The following CSNK1G3 variants were observed in gnomAD, a reference collection of about 807,000 sequenced individuals.
CSNK1G3 encodes the protein casein kinase I isoform gamma-3.
A neutral mutation model predicts 64.3 loss-of-function variants in CSNK1G3; 23 were observed. The ratio of observed to expected loss-of-function variants is 0.36; its 90% confidence interval spans 0.26 to 0.51. CSNK1G3 has a LOEUF of 0.51. CSNK1G3 is among the 20% of genes least tolerant of loss of function. CSNK1G3 has a pLI of 0.96. For synonymous variants in CSNK1G3, 158 were observed against 162.2 expected (o/e 0.97, Z 0.20); for missense variants, 357 against 510.5 (o/e 0.70, Z 2.90).
intron 4 of CSNK1G3, among the ~76,000 whole-genome samples, chr5:123,559,758 T>C (rs1412714571): frequency 6.6e-6 from 1 of 151,768 alleles, no homozygotes; most frequent in African/African-American, 2.4e-5. Context: ...TTAAGTACCT[T>C]TGTGAGCTTT....
chr5:123,571,682 A>AAAT (rs889006362), intron 4 of CSNK1G3, among the ~76,000 whole-genome samples: 2 of 152,200 alleles, frequency 1.3e-5, no homozygotes, highest in Admixed American at 1.3e-4. Flanking sequence ...ATAATAGGGT[A>AAAT]AATAATAATA....
exon 1 of CSNK1G3, chr5:123,512,238 T>A (rs958626972): frequency 6.6e-6 from 1 of 152,150 alleles, no homozygotes; most frequent in Non-Finnish European, 1.5e-5. Context: ...ATGTTTGACC[T>A]CCGGATAAGC....
chr5:123,514,748 C>A lies in CSNK1G3; in HGVS notation c.-248+2178C>A, dbSNP rs1038598056. 2.0e-5 allele frequency among the ~76,000 whole-genome samples: 3 copies of A among 151,776 alleles called. No individual in the cohort carries two copies. The South Asian group carries it at 6.2e-4, about 32-fold the overall frequency. On this transcript the variant is annotated intron_variant, in intron 1 of 12. Transcript: ENST00000345990. Reference sequence around the variant, plus strand: ...GGGGTAGTTTTCTCGGTGAAGGGAACAGCCTGAGGAAAGGCATGTGATTGT... The same window carrying A: ...GGGGTAGTTTTCTCGGTGAAGGGAAAAGCCTGAGGAAAGGCATGTGATTGT...
At chr5:123,540,321 G>T (rs1781483481) in intron 1 of CSNK1G3, among the ~76,000 whole-genome samples, 1 of 150,924 alleles carries the variant, frequency 6.6e-6, no homozygotes, top group Admixed American at 6.6e-5. Flanking sequence ...TACATTTTTT[G>T]CTCATTAAGA....
chr5:123,591,320 C>A (rs777102070), exon 10 of CSNK1G3: 1 of 1,591,098 alleles, frequency 6.3e-7, no homozygotes, highest in South Asian at 1.1e-5. Flanking sequence ...GTATTGTAGC[C>A]TACTCCAGTG....
intron 1 of CSNK1G3, among the ~76,000 whole-genome samples, chr5:123,528,361 T>TG (rs2150062716): frequency 1.3e-5 from 2 of 152,300 alleles, no homozygotes; most frequent in East Asian, 3.9e-4. Flanking sequence ...TAAATTAACA[T>TG]TCTTAAATTT....
chr5:123,614,621 G>C, exon 13 of CSNK1G3: 1 of 424,834 alleles, frequency 2.4e-6, no homozygotes. Context: ...CAAAACATGA[G>C]TGCTTTGCCC....
At chr5:123,605,754 C>G (rs1177387239) in intron 12 of CSNK1G3, among the ~76,000 whole-genome samples, 1 of 151,914 alleles carries the variant, frequency 6.6e-6, no homozygotes, top group Non-Finnish European at 1.5e-5. Flanking sequence ...GATCTCATCC[C>G]CCACAGTAGT....
intron 6 of CSNK1G3, among the ~76,000 whole-genome samples, chr5:123,584,344 C>T (rs149082315): frequency 3.0e-3 from 449 of 152,180 alleles, no homozygotes; most frequent in Non-Finnish European, 4.9e-3. Flanking sequence ...TCCTAGTTTG[C>T]TGAGATTTTT....
intron 4 of CSNK1G3, among the ~76,000 whole-genome samples, chr5:123,569,481 T>C (rs1004418159): frequency 6.6e-6 from 1 of 152,208 alleles, no homozygotes; most frequent in Non-Finnish European, 1.5e-5. Context: ...ACTACATGCA[T>C]TGTCTTTTGG....
At chr5:123,514,525 A>C (rs1776796652) in intron 1 of CSNK1G3, among the ~76,000 whole-genome samples, 1 of 152,216 alleles carries the variant, frequency 6.6e-6, no homozygotes, top group Non-Finnish European at 1.5e-5. Context: ...ACTGCCTTCA[A>C]GGGAGAAGCA....
At chr5:123,561,957 T>A (rs1279037083) in intron 4 of CSNK1G3, among the ~76,000 whole-genome samples, 1 of 152,152 alleles carries the variant, frequency 6.6e-6, no homozygotes, top group East Asian at 1.9e-4. Context: ...CAGTCCCCAT[T>A]GTTACTTTTC....
intron 5 of CSNK1G3, among the ~76,000 whole-genome samples, chr5:123,575,432 A>C (rs1008726918): frequency 2.6e-5 from 4 of 152,066 alleles, no homozygotes. Context: ...TGGCTTTTTG[A>C]TTTTATGAAG....
At chr5:123,579,833 C>T (rs929906613) in intron 6 of CSNK1G3, among the ~76,000 whole-genome samples, 2 of 151,872 alleles carry the variant, frequency 1.3e-5, no homozygotes, top group African/African-American at 2.4e-5. Context: ...TACTTTTCCC[C>T]ATTTATAAAC....
intron 6 of CSNK1G3, among the ~76,000 whole-genome samples, chr5:123,581,940 G>A (rs948947883): frequency 6.6e-6 from 1 of 151,752 alleles, no homozygotes; most frequent in Non-Finnish European, 1.5e-5. Context: ...AGCTGTCTTG[G>A]CTTTGTCTTC....
chr5:123,591,173 A>G (rs1270478507), intron 9 of CSNK1G3, 146 bp from the exon 10 acceptor site: 12 of 451,168 alleles, frequency 2.7e-5, no homozygotes, highest in East Asian at 1.4e-4. Flanking sequence ...CTTTAACAAC[A>G]TATTTTGATA....
intron 4 of CSNK1G3, among the ~76,000 whole-genome samples, chr5:123,567,871 T>C (rs1362324874): frequency 6.6e-6 from 1 of 152,176 alleles, no homozygotes; most frequent in Non-Finnish European, 1.5e-5. Context: ...GTCAACACAT[T>C]TTTGCCAATA....
chr5:123,537,628 A>G (rs1781055654), intron 1 of CSNK1G3, among the ~76,000 whole-genome samples: 2 of 152,316 alleles, frequency 1.3e-5, no homozygotes, highest in East Asian at 1.9e-4. Flanking sequence ...GAAAACATAC[A>G]TGTTGAGATG....
exon 13 of CSNK1G3, chr5:123,614,446 T>A: frequency 1.9e-6 from 3 of 1,547,234 alleles, no homozygotes; most frequent in Non-Finnish European, 2.6e-6. Context: ...TCATCTGCTG[T>A]CTTGTGATTA....
Sources: gnomAD v4.1 joint callset for allele counts (sites outside exome capture counted in the v4.1 genomes callset) on GRCh38, gnomAD v4.1.1 for gene constraint, MANE v1.5 for transcripts, NCBI Gene and HGNC (gene_info 2026-07-23, HGNC 2026-07-21) for gene names.